Variants in PRKDC observed in about 807,000 individuals in gnomAD.
PRKDC encodes the protein protein kinase, DNA-activated, catalytic subunit, also known as DNA-dependent protein kinase catalytic subunit.
In PRKDC, 82 loss-of-function variants were observed where a neutral mutation model predicts 486.9. The observed-to-expected ratio is 0.17, with a 90% CI of 0.14 to 0.20. The LOEUF is 0.20. Ranked by LOEUF, PRKDC falls within the 10% of genes least tolerant of loss-of-function variation. The probability of loss-of-function intolerance (pLI) is 1.00; values close to 1 mark genes in which losing one functional copy is unlikely to be tolerated. For missense variants in PRKDC, 4,504 were observed against 5,038.2 expected, an observed-to-expected ratio of 0.89 and a Z score of 3.21; for synonymous variants, 1,895 against 1,837.0, an observed-to-expected ratio of 1.03 and a Z score of -0.81.
At chr8:47,904,753 A>T in intron 26 of PRKDC, 116 bp downstream of exon 26, 2 of 745,714 alleles carry the variant, frequency 2.7e-6, no homozygotes, top group Non-Finnish European at 4.3e-6. Context: ...AGATCGTGCC[A>T]CTGCATTCCA....
intron 41 of PRKDC, among the ~76,000 whole-genome samples, chr8:47,864,260 A>T (rs1021414789): frequency 2.6e-5 from 4 of 152,184 alleles, no homozygotes; most frequent in African/African-American, 9.7e-5. Flanking sequence ...TAGGACCGCC[A>T]GGAACAGCTC....
intron 32 of PRKDC, 136 bp from the exon 33 acceptor site, chr8:47,889,358 C>G: frequency 1.5e-6 from 1 of 686,296 alleles, no homozygotes. Context: ...AACGGGGGCA[C>G]AGTAAACACT....
intron 69 of PRKDC, among the ~76,000 whole-genome samples, chr8:47,805,387 C>G (rs1234547996): frequency 6.6e-6 from 1 of 152,186 alleles, no homozygotes; most frequent in Non-Finnish European, 1.5e-5. Flanking sequence ...CCTAGGGATA[C>G]TGAGCATCTT....
intron 4 of PRKDC, among the ~76,000 whole-genome samples, chr8:47,955,147 C>CT (rs2090680646): frequency 6.6e-6 from 1 of 151,192 alleles, no homozygotes. Context: ...GAACAAGACT[C>CT]TGTCTCAAAA....
chr8:47,943,295 A>G lies in PRKDC; in HGVS notation c.880T>C (p.Phe294Leu), dbSNP rs763078456. ...TCLLDNYVSL[F>L]EVLLKWCAHT... is the part of the protein sequence containing the mutation. ...GCACACCACTTTAACAAGACTTCAAATAGAGACACGTAGTTGTCCAGAAGG... is the reference window on the plus strand; with the variant it reads ...GCACACCACTTTAACAAGACTTCAAGTAGAGACACGTAGTTGTCCAGAAGG... Residue 294 changes from phenylalanine (F) to leucine (L), a missense_variant, in exon 10 of 86, where the codon TTT becomes CTT. Phe to Leu is a conservative substitution (Grantham distance 22). Transcript: ENST00000314191. 6.2e-7 allele frequency: 1 copy of G among 1,612,646 alleles called. No individual in the cohort carries two copies. Among genetic ancestry groups the G allele is most frequent in the Non-Finnish European group, 8.5e-7 (1 of 1,179,258 alleles).
intron 11 of PRKDC, among the ~76,000 whole-genome samples, chr8:47,938,439 AAAAG>A (rs1327604486): frequency 6.6e-6 from 1 of 152,042 alleles, no homozygotes; most frequent in Non-Finnish European, 1.5e-5. Flanking sequence ...AAGAAAGAAA[AAAAG>A]AAAGAAGAAA....
At chr8:47,844,017 G>A (rs1178215594) in intron 54 of PRKDC, among the ~76,000 whole-genome samples, 1 of 152,072 alleles carries the variant, frequency 6.6e-6, no homozygotes, top group African/African-American at 2.4e-5. Context: ...GTAACAACAC[G>A]ACAACAGGAT....
At chr8:47,923,394 T>C (rs2090105547) in intron 21 of PRKDC, among the ~76,000 whole-genome samples, 2 of 152,182 alleles carry the variant, frequency 1.3e-5, no homozygotes, top group Admixed American at 1.3e-4. Flanking sequence ...AAAGATTCAC[T>C]GTCTTACCAG....
intron 25 of PRKDC, among the ~76,000 whole-genome samples, chr8:47,908,047 T>G (rs1240372587): frequency 6.6e-6 from 1 of 152,202 alleles, no homozygotes; most frequent in African/African-American, 2.4e-5. Flanking sequence ...GAGCACACTG[T>G]TTAAGCAGCT....
chr8:47,885,203 T>C (rs916875236), intron 36 of PRKDC, among the ~76,000 whole-genome samples: 14 of 152,190 alleles, frequency 9.2e-5, no homozygotes, highest in Admixed American at 9.2e-4. Context: ...CAGGCTGGAG[T>C]GCAGTGGGCA....
chr8:47,950,401 A>C (rs1357658170), intron 7 of PRKDC, among the ~76,000 whole-genome samples: 1 of 152,102 alleles, frequency 6.6e-6, no homozygotes, highest in Non-Finnish European at 1.5e-5. Flanking sequence ...CGAGCCGGGC[A>C]GATCACGAGG....
chr8:47,929,807 T>TG, intron 18 of PRKDC, 46 bp downstream of exon 18: 1 of 1,530,954 alleles, frequency 6.5e-7, no homozygotes, highest in Non-Finnish European at 8.8e-7. Context: ...TATATACTCA[T>TG]GACCTAAAAA....
intron 77 of PRKDC, among the ~76,000 whole-genome samples, chr8:47,784,866 A>G (rs1177698958): frequency 6.6e-6 from 1 of 152,190 alleles, no homozygotes; most frequent in Non-Finnish European, 1.5e-5. Context: ...ATTATTACCA[A>G]ATGAAAATCT....
At chr8:47,909,871 C>T (rs974245364) in intron 25 of PRKDC, among the ~76,000 whole-genome samples, 9 of 152,144 alleles carry the variant, frequency 5.9e-5, no homozygotes, top group African/African-American at 2.2e-4. Flanking sequence ...TGTCTGCCCT[C>T]GAACCCTGTT....
intron 12 of PRKDC, 28 bp downstream of exon 12, chr8:47,936,325 A>G: frequency 6.4e-7 from 1 of 1,571,974 alleles, no homozygotes; most frequent in Non-Finnish European, 8.6e-7. Flanking sequence ...TTAAATACTT[A>G]AAATTGTGCT....
chr8:47,899,033 G>A (rs1016810483), intron 28 of PRKDC, among the ~76,000 whole-genome samples: 6 of 152,228 alleles, frequency 3.9e-5, no homozygotes, highest in African/African-American at 9.7e-5. Flanking sequence ...CTACGGTATC[G>A]TTTGGTAATA....
chr8:47,959,895 G>A (rs896036582), intron 1 of PRKDC, 78 bp downstream of exon 1: 4 of 1,502,530 alleles, frequency 2.7e-6, no homozygotes, highest in Non-Finnish European at 3.6e-6. Context: ...TAAACACAGA[G>A]AAGCGCCGGG....
chr8:47,927,995 C>T (rs1384172983), intron 19 of PRKDC, 105 bp from the exon 20 acceptor site: 5 of 1,085,138 alleles, frequency 4.6e-6, no homozygotes, highest in Non-Finnish European at 6.0e-6. Context: ...TGGCACGTAG[C>T]CTTTATTGAC....
intron 40 of PRKDC, among the ~76,000 whole-genome samples, chr8:47,870,134 G>A (rs1398649044): frequency 6.6e-6 from 1 of 152,094 alleles, no homozygotes; most frequent in Non-Finnish European, 1.5e-5. Context: ...AAGAACACAA[G>A]ACTGGCTAGA....
Sources: allele counts gnomAD v4.1 joint callset (sites outside exome capture counted in the v4.1 genomes callset), GRCh38; gene constraint gnomAD v4.1.1; transcripts MANE v1.5; gene names NCBI Gene and HGNC (gene_info 2026-07-23, HGNC 2026-07-21).